The following RNF17 variants were observed in gnomAD, a reference collection of about 807,000 sequenced individuals.
The protein encoded by RNF17 is ring finger protein 17, also known as spermatogenesis associated 23.
Under a neutral mutation model 200.5 loss-of-function variants are expected in RNF17, and 31 were observed. The observed-to-expected ratio is 0.15, with a 90% CI of 0.12 to 0.21. The LOEUF is 0.21. Ranked by LOEUF, RNF17 falls within the 10% of genes least tolerant of loss-of-function variation. The probability of loss-of-function intolerance (pLI) is 1.00; values close to 1 mark genes in which losing one functional copy is unlikely to be tolerated. For missense variants in RNF17, 1,628 were observed against 1,905.1 expected (o/e 0.85, Z 2.71); for synonymous variants, 606 against 637.8 (o/e 0.95, Z 0.75).
Position 24,778,336 on chromosome 13 carries a change from A to G in RNF17, c.359A>G (p.Gln120Arg), listed in dbSNP as rs1171682299. Residue 120 changes from glutamine (Q) to arginine (R), a missense_variant, in exon 4 of 36, where the codon CAG becomes CGG. Physicochemically the swap from Gln to Arg is conservative, Grantham distance 43. Transcript: ENST00000255324. ...CSQDFKKTAD[Q>R]LTTGLERSAS... ...CAGGACTTTAAGAAGACTGCTGATC[A>G]GCTAACTACTGGTTTAGAACGTTCA... is the stretch of plus-strand genomic sequence containing the variant. 6.2e-7 allele frequency: 1 copy of G among 1,613,624 alleles called. No individual in the cohort carries two copies. Among genetic ancestry groups the G allele is most frequent in the Non-Finnish European group, 8.5e-7 (1 of 1,179,538 alleles).
At chr13:24,843,457 G>T (rs562739750) in intron 19 of RNF17, among the ~76,000 whole-genome samples, 1 of 152,230 alleles carries the variant, frequency 6.6e-6, no homozygotes, top group East Asian at 1.9e-4. Flanking sequence ...GGCGCAAGCT[G>T]CAGTGAGCCA....
the RNF17 span, among the ~76,000 whole-genome samples, chr13:24,758,085 G>C: frequency 6.6e-6 from 1 of 152,096 alleles, no homozygotes; most frequent in South Asian, 2.1e-4. Context: ...AGGCCTCCCT[G>C]GAAGAATCCA....
At chr13:24,848,272 G>T (rs1352749914) in intron 22 of RNF17, among the ~76,000 whole-genome samples, 4 of 144,728 alleles carry the variant, frequency 2.8e-5, no homozygotes, top group Non-Finnish European at 6.1e-5. Context: ...GTCATTTTAA[G>T]AAATCCCTTT....
At position 24,866,218 on chromosome 13, in the gene RNF17, A is replaced by G. The variant is rs760857256; in HGVS notation, c.4161+15A>G. ...TAAGGTTTGAGGTAAGTAACAATCCAAGTATTTTGGAAACTTTGGACACTT... is the reference window on the plus strand; with the variant it reads ...TAAGGTTTGAGGTAAGTAACAATCCGAGTATTTTGGAAACTTTGGACACTT... On this transcript the variant is annotated intron_variant, in intron 30 of 35. Coordinates refer to ENST00000255324, the MANE Select transcript of RNF17 (RefSeq NM_031277.3). The G allele has an allele frequency of 2.9e-5, 43 of 1,475,844 alleles. No individual in the cohort carries two copies. The East Asian group carries it at 9.1e-4, about 31-fold the overall frequency. 91.4% of individuals were successfully genotyped at this position (1,475,844 alleles called of 1,614,324 possible).
At chr13:24,850,248 T>G (rs1190322990) in intron 22 of RNF17, 93 bp from the exon 23 acceptor site, 3 of 687,832 alleles carry the variant, frequency 4.4e-6, no homozygotes, top group Non-Finnish European at 7.4e-6. Flanking sequence ...GTTCAAACTA[T>G]GAGTGTATCT....
At chr13:24,881,808 A>C (rs559526406), downstream of RNF17, among the ~76,000 whole-genome samples, 2 of 121,168 alleles carry the variant, frequency 1.7e-5, no homozygotes, top group South Asian at 5.6e-4. Flanking sequence ...ATATATCTAG[A>C]TATCTATCTA....
At chr13:24,837,082 T>C (rs1310338700) in intron 18 of RNF17, among the ~76,000 whole-genome samples, 1 of 152,120 alleles carries the variant, frequency 6.6e-6, no homozygotes, top group Non-Finnish European at 1.5e-5. Flanking sequence ...GTTATTCTTA[T>C]ATCAGACAAA....
intron 18 of RNF17, among the ~76,000 whole-genome samples, 159 bp from the exon 19 acceptor site, chr13:24,841,882 C>T (rs1216497357): frequency 6.6e-6 from 1 of 152,060 alleles, no homozygotes; most frequent in Non-Finnish European, 1.5e-5. Context: ...AGGAGAATCA[C>T]TTGAACCCAG....
In RNF17 at chr13:24,793,236, A is replaced by T; in HGVS notation, c.1130A>T (p.Gln377Leu). Residue 377 changes from glutamine (Q) to leucine (L), a missense_variant, in exon 10 of 36, where the codon CAG becomes CTG. This residue lies in a region of RNF17 where 502 missense variants were observed against 501.7 expected (regional missense o/e 1.00). Coordinates refer to ENST00000255324, the MANE Select transcript of RNF17 (RefSeq NM_031277.3). Reference protein sequence around the residue: ...NDVHLEAKNFQPQKDVATASP... With the variant: ...NDVHLEAKNFLPQKDVATASP... ...GTACATTTAGAAGCAAAAAACTTCC[A>T]GCCACAGAAAGACGTTGCAACAGCA... 6.2e-7 allele frequency: 1 copy of T among 1,614,126 alleles called. No individual in the cohort carries two copies. The highest frequency in any genetic ancestry group is 8.5e-7 in the Non-Finnish European group (1 of 1,179,986).
chr13:24,843,043 T>C (rs1006190188), intron 19 of RNF17, among the ~76,000 whole-genome samples: 3 of 151,530 alleles, frequency 2.0e-5, no homozygotes, highest in African/African-American at 7.3e-5. Context: ...ATGTGATGCC[T>C]GTCAGCATAA....
At chr13:24,812,673 CG>C (rs1331811656) in intron 15 of RNF17, among the ~76,000 whole-genome samples, 829 of 25,594 alleles carry the variant, frequency 0.032, 31 homozygotes, top group African/African-American at 0.068. Flanking sequence ...CTCCCCTCCC[CG>C]CCCCACCCCC....
intron 15 of RNF17, among the ~76,000 whole-genome samples, chr13:24,808,165 T>C (rs1185376044): frequency 1.3e-5 from 2 of 151,422 alleles, no homozygotes; most frequent in Non-Finnish European, 3.0e-5. Flanking sequence ...TAAAGTAGTT[T>C]TTTCCAATTC....
intron 15 of RNF17, among the ~76,000 whole-genome samples, chr13:24,809,126 C>T (rs1261463802): frequency 1.3e-5 from 2 of 150,632 alleles, no homozygotes; most frequent in African/African-American, 4.9e-5. Context: ...TGTGTCTCTG[C>T]CCGGCTTTGG....
At chr13:24,813,895 C>G (rs1233310900) in intron 15 of RNF17, among the ~76,000 whole-genome samples, 1 of 144,826 alleles carries the variant, frequency 6.9e-6, no homozygotes, top group East Asian at 2.1e-4. Flanking sequence ...CTCCTGGTCC[C>G]AAACAGTCCT....
At chr13:24,797,375 G>C (rs1884690018) in intron 11 of RNF17, among the ~76,000 whole-genome samples, 1 of 152,172 alleles carries the variant, frequency 6.6e-6, no homozygotes, top group African/African-American at 2.4e-5. Context: ...GTATCCTCTT[G>C]TTCCCTTTTC....
At chr13:24,800,325 G>T in intron 12 of RNF17, 41 bp from the exon 13 acceptor site, 1 of 1,398,060 alleles carries the variant, frequency 7.2e-7, no homozygotes, top group South Asian at 1.5e-5. Flanking sequence ...ATTTAAGTTT[G>T]AAGCATTATT....
At chr13:24,778,472 A>G (rs1037451788) in intron 4 of RNF17, 66 bp downstream of exon 4, 19 of 970,810 alleles carry the variant, frequency 2.0e-5, no homozygotes, top group African/African-American at 3.3e-5. Context: ...TAGTAGCTCA[A>G]CTTTCTTCTC....
chr13:24,751,475 C>T, the RNF17 span: 1 of 152,100 alleles, frequency 6.6e-6, no homozygotes, highest in Non-Finnish European at 1.5e-5. Flanking sequence ...ACAACAGACT[C>T]TTCCATTTCG....
chr13:24,812,593 C>T (rs1216915576), intron 15 of RNF17, among the ~76,000 whole-genome samples: 5 of 151,814 alleles, frequency 3.3e-5, no homozygotes, highest in Non-Finnish European at 7.4e-5. Context: ...ATGCAGAAAT[C>T]ACCTGTCTTC....
Sources: gnomAD v4.1 joint callset for allele counts (sites outside exome capture counted in the v4.1 genomes callset) on GRCh38, gnomAD v4.1.1 for gene constraint, gnomAD v4.1.1 regional missense constraint, MANE v1.5 for transcripts, NCBI Gene and HGNC (gene_info 2026-07-23, HGNC 2026-07-21) for gene names.